Variants in SEC16B observed in about 807,000 individuals in gnomAD.
SEC16B encodes protein transport protein Sec16B.
In SEC16B, 115 loss-of-function variants were observed where a neutral mutation model predicts 141.8. The observed-to-expected ratio is 0.81, with a 90% CI of 0.70 to 0.95. SEC16B has a LOEUF of 0.95. SEC16B is among the 40% of genes least tolerant of loss of function. SEC16B has a pLI of 0.00. For synonymous variants in SEC16B, 493 were observed against 492.5 expected, an observed-to-expected ratio of 1.00 and a Z score of -0.01; for missense variants, 1,291 against 1,312.3, an observed-to-expected ratio of 0.98 and a Z score of 0.25.
At chr1:177,972,566 CAT>C (rs967221736), upstream of SEC16B, among the ~76,000 whole-genome samples, 4 of 152,200 alleles carry the variant, frequency 2.6e-5, no homozygotes, top group African/African-American at 9.6e-5. Context: ...GCTCTGTCCT[CAT>C]ACTTGATTCC....
chr1:177,930,707 C>T, intron 24 of SEC16B, 64 bp from the exon 25 acceptor site: 3 of 1,179,488 alleles, frequency 2.5e-6, no homozygotes, highest in Non-Finnish European at 3.7e-6. Context: ...AATGTCGAGG[C>T]CTTCAAGAAG....
At chr1:177,962,529 G>T (rs986872224) in intron 5 of SEC16B, among the ~76,000 whole-genome samples, 2 of 151,368 alleles carry the variant, frequency 1.3e-5, no homozygotes, top group Non-Finnish European at 2.9e-5. Flanking sequence ...TTGAGCCCAC[G>T]AATTTGAGAC....
intron 10 of SEC16B, among the ~76,000 whole-genome samples, chr1:177,957,808 T>A: frequency 6.8e-5 from 1 of 14,608 alleles, no homozygotes; most frequent in Middle Eastern, 0.036. Flanking sequence ...CCTCCCACCC[T>A]CCCCTACTGC....
chr1:177,947,805 G>C lies in SEC16B; in HGVS notation c.1663+20C>G, dbSNP rs1177343849. On this transcript the variant is annotated intron_variant, in intron 13 of 25. Transcript: ENST00000308284. ...AAGGGACAGGGAGGGGAGCGGAGGG[G>C]AAATGCTGGTGTCGCTTACCCAGGG... 2.4e-6 allele frequency: 3 copies of C among 1,252,214 alleles called. No homozygotes were observed. The highest frequency in any genetic ancestry group is 2.2e-6 in the Non-Finnish European group (2 of 929,146). 77.6% of individuals were successfully genotyped at this position (1,252,214 alleles called of 1,614,324 possible). A position where few individuals can be genotyped will look rare whatever the true frequency, so the allele number is the denominator to read the frequency against.
chr1:177,978,787 G>A (rs1170121703), intron 1 of SEC16B, among the ~76,000 whole-genome samples: 2 of 151,980 alleles, frequency 1.3e-5, no homozygotes, highest in African/African-American at 4.8e-5. Context: ...CAGAGTATAT[G>A]TTCTTATTTA....
At chr1:177,949,637 C>G (rs1196086842) in intron 12 of SEC16B, among the ~76,000 whole-genome samples, 2 of 152,118 alleles carry the variant, frequency 1.3e-5, no homozygotes, top group Non-Finnish European at 2.9e-5. Context: ...CACAATAACT[C>G]TACTGGGCAC....
intron 12 of SEC16B, 43 bp downstream of exon 12, chr1:177,951,871 C>T: frequency 1.3e-6 from 2 of 1,529,968 alleles, no homozygotes; most frequent in African/African-American, 1.4e-5. Flanking sequence ...CCCTCAAGCC[C>T]TTGGGATGCC....
intron 1 of SEC16B, among the ~76,000 whole-genome samples, chr1:177,979,713 G>T: frequency 6.6e-6 from 1 of 152,228 alleles, no homozygotes; most frequent in East Asian, 1.9e-4. Flanking sequence ...AGGTTTAATG[G>T]ACTTACAGTC....
At position 177,965,917 on chromosome 1, in the gene SEC16B, G is replaced by T; in HGVS notation, c.388C>A (p.Pro130Thr). The T allele has an allele frequency of 1.3e-6, 2 of 1,593,514 alleles. No homozygotes were observed. Among genetic ancestry groups the T allele is most frequent in the Non-Finnish European group, 1.7e-6 (2 of 1,168,284 alleles). ...CCTCTTTCTTCCTGCAGCCACTGTG[G>T]GTGTCCATGATAGTAATAACTTCCA... The part of the protein sequence containing the change: ...AYGSYYYHGH[P>T]QWLQEERVPR... Residue 130 changes from proline to threonine, a missense_variant, in exon 3 of 26, where the codon CCA becomes ACA. By Grantham distance (38) the Pro-to-Thr change is conservative. Coordinates refer to ENST00000308284, the MANE Select transcript of SEC16B (RefSeq NM_033127.4).
chr1:177,941,148 A>G (rs909561721), intron 16 of SEC16B, among the ~76,000 whole-genome samples: 2 of 152,230 alleles, frequency 1.3e-5, no homozygotes, highest in African/African-American at 4.8e-5. Flanking sequence ...GGTGATGCTA[A>G]TGTTACTTTG....
In SEC16B at chr1:177,965,825, CT is replaced by C. The variant is rs1653471077; in HGVS notation, c.412+67del. The C allele has an allele frequency of 4.1e-6, 4 of 966,840 alleles. No individual in the cohort carries two copies. In the African/African-American group the frequency reaches 6.5e-5, roughly 16 times the overall value. The allele number at this position is 966,840 out of a possible 1,614,324, so 59.9% of individuals were successfully genotyped here. On this transcript the variant is annotated intron_variant, in intron 3 of 25. Transcript: ENST00000308284. The stretch of plus-strand genomic sequence containing the variant: ...GGTCTGAACATGGCTCCTTTGGTCT[CT>C]CCCCTGCCTCTCAGACCAGCTGCCC...
Position 177,941,910 on chromosome 1 carries a change from T to C in SEC16B, c.2012A>G (p.Glu671Gly), listed in dbSNP as rs1338174487. 5 of 1,613,842 alleles carry C rather than the reference T, an allele frequency of 3.1e-6. No individual in the cohort carries two copies. Among genetic ancestry groups the C allele is most frequent in the Middle Eastern group, 1.7e-4 (1 of 6,060 alleles). Residue 671 changes from glutamate (E) to glycine (G), a missense_variant, in exon 16 of 26, where the codon GAA (glutamate) becomes GGA (glycine). Transcript: ENST00000308284. ...CTTTGAGAGGCTCACCTTGATGAGTTCCACTAATAGCACAGGGTGACTGCT... is the reference window on the plus strand; with the variant it reads ...CTTTGAGAGGCTCACCTTGATGAGTCCCACTAATAGCACAGGGTGACTGCT... ...GESSHPVLLV[E>G]LIKLAEKLKL...
chr1:177,937,062 G>C (rs1650896329), intron 19 of SEC16B, among the ~76,000 whole-genome samples, 152 bp downstream of exon 19: 2 of 152,076 alleles, frequency 1.3e-5, no homozygotes. Context: ...CTGAAAACTA[G>C]CAGGCCCTCC....
At chr1:177,968,336 G>A (rs1217841025) in intron 1 of SEC16B, among the ~76,000 whole-genome samples, 1 of 152,192 alleles carries the variant, frequency 6.6e-6, no homozygotes, top group African/African-American at 2.4e-5. Flanking sequence ...TGCTATCAAG[G>A]AATCCCAGTT....
rs1017577853 is a variant in SEC16B at position 177,929,756 on chromosome 1, C to A, written c.*102G>T. 4.5e-6 allele frequency: 6 copies of A among 1,343,364 alleles called. No homozygotes were observed. The highest frequency in any genetic ancestry group is 6.3e-6 in the Non-Finnish European group (6 of 955,222). The allele number at this position is 1,343,364 out of a possible 1,614,324, so 83.2% of individuals were successfully genotyped here. A position where few individuals can be genotyped will look rare whatever the true frequency, so the allele number is the denominator to read the frequency against. ...GTGGAGGCATCGGGCTAGCACAAAC[C>A]TCTTGAGGGTCCCAATATGGTAGAG... On this transcript the variant is annotated 3_prime_UTR_variant, in exon 26 of 26. Coordinates refer to ENST00000308284, the MANE Select transcript of SEC16B (RefSeq NM_033127.4).
chr1:177,930,535 G>T lies in SEC16B; in HGVS notation c.3111+10C>A. On this transcript the variant is annotated intron_variant, in intron 25 of 25. Transcript: ENST00000308284. ...TCCTGGCCAGCCCCTCCCCCTGAGG[G>T]CTTCCTTACCTGAGGCACCTGAGAT... The T allele has an allele frequency of 2.5e-6, 4 of 1,606,972 alleles. No individual in the cohort carries two copies. The highest frequency in any genetic ancestry group is 3.4e-6 in the Non-Finnish European group (4 of 1,174,178).
In SEC16B at chr1:177,930,626, G is replaced by A. The variant is rs1219588499; in HGVS notation, c.3030C>T (p.Leu1010=). The A allele has an allele frequency of 1.2e-6, 2 of 1,613,378 alleles. No homozygotes were observed. Among genetic ancestry groups the A allele is most frequent in the South Asian group, 2.2e-5 (2 of 90,842 alleles). Residue 1010 remains leucine (L), a synonymous_variant, in exon 25 of 26, where the codon CTC becomes CTT. Coordinates refer to ENST00000308284, the MANE Select transcript of SEC16B (RefSeq NM_033127.4). ...GAAGAAGAACACCAGGGTTGGAGCA[G>A]AGCTCAAAGGAAACACTCTGTGATG... ...LSGPESVSFE[L]CSNPGVLLPP...
chr1:177,948,223 T>G (rs1651884939), intron 12 of SEC16B, among the ~76,000 whole-genome samples: 1 of 152,226 alleles, frequency 6.6e-6, no homozygotes, highest in South Asian at 2.1e-4. Context: ...CTTACTATTT[T>G]TCACATTTCT....
At position 177,958,267 on chromosome 1, in the gene SEC16B, G is replaced by A. The variant is rs1445165906; in HGVS notation, c.1230C>T (p.Asn410=). ...KRQPPVANLI[N]LTDEDWPVLS... ...GCACTGGCCAGTCCTCATCGGTCAG[G>A]TTGATGAGGTTGGCCACAGGGGGCT... is the stretch of plus-strand genomic sequence containing the variant. The change falls in exon 10 of 26, where the codon AAC becomes AAT. Residue 410 remains asparagine, a synonymous_variant. Coordinates refer to ENST00000308284, the MANE Select transcript of SEC16B (RefSeq NM_033127.4). 1 of 1,611,036 alleles carries A rather than the reference G, an allele frequency of 6.2e-7. No homozygotes were observed. Among genetic ancestry groups the A allele is most frequent in the Non-Finnish European group, 8.5e-7 (1 of 1,178,516 alleles).
Sources: allele counts gnomAD v4.1 joint callset (sites outside exome capture counted in the v4.1 genomes callset), GRCh38; gene constraint gnomAD v4.1.1; transcripts MANE v1.5; gene names NCBI Gene and HGNC (gene_info 2026-07-23, HGNC 2026-07-21).